IL1RAPL2: variants seen among roughly 807,000 people sequenced by gnomAD.
IL1RAPL2 encodes interleukin 1 receptor accessory protein like 2.
IL1RAPL2 carries 3 observed loss-of-function variants against 44.1 expected under a neutral mutation model. The observed-to-expected ratio is 0.07, with a 90% CI of 0.03 to 0.18. IL1RAPL2 has a LOEUF of 0.18. Among genes scored for constraint, IL1RAPL2 ranks in the 10% least tolerant of loss-of-function variants. The pLI is 1.00. For missense variants in IL1RAPL2, 391 were observed against 496.4 expected, an observed-to-expected ratio of 0.79 and a Z score of 2.02; for synonymous variants, 181 against 178.8, an observed-to-expected ratio of 1.01 and a Z score of -0.10.
chrX:105,248,034 C>A (rs1177621558), intron 4 of IL1RAPL2, among the ~76,000 whole-genome samples: 1 of 111,161 alleles, frequency 9.0e-6, no homozygotes. Flanking sequence ...AGGTCTAATT[C>A]ATTTTGCTGC....
intron 2 of IL1RAPL2, among the ~76,000 whole-genome samples, chrX:105,054,577 T>A (rs1354071340): frequency 8.9e-6 from 1 of 112,212 alleles, no homozygotes; most frequent in Non-Finnish European, 1.9e-5. Context: ...CATACCACCA[T>A]GTCCAGCTTA....
chrX:105,551,710 A>C (rs986972965), intron 6 of IL1RAPL2, among the ~76,000 whole-genome samples: 2 of 112,326 alleles, frequency 1.8e-5, no homozygotes, highest in South Asian at 7.3e-4. Flanking sequence ...TAAACATTAT[A>C]AGTTATCTTC....
chrX:105,430,590 A>G (rs2035840907), intron 5 of IL1RAPL2, among the ~76,000 whole-genome samples: 1 of 111,343 alleles, frequency 9.0e-6, no homozygotes, highest in Admixed American at 9.6e-5. Context: ...AAATTTGAGG[A>G]CTGTGACTAG....
intron 2 of IL1RAPL2, among the ~76,000 whole-genome samples, chrX:104,831,136 T>G (rs776561552): frequency 3.6e-5 from 4 of 111,931 alleles, no homozygotes; most frequent in African/African-American, 1.3e-4. Flanking sequence ...ACAATAACTA[T>G]GTTTCTTCTT....
At chrX:104,672,091 A>T (rs1295735951) in intron 2 of IL1RAPL2, among the ~76,000 whole-genome samples, 1 of 110,921 alleles carries the variant, frequency 9.0e-6, no homozygotes, top group Non-Finnish European at 1.9e-5. Context: ...GGGCAGGCCA[A>T]TTGCTTTCTT....
intron 2 of IL1RAPL2, among the ~76,000 whole-genome samples, chrX:104,982,853 A>G (rs756132925): frequency 5.4e-5 from 6 of 111,285 alleles, no homozygotes; most frequent in African/African-American, 9.8e-5. Context: ...TAGCAATTCC[A>G]CTGAAATTGT....
chrX:105,292,379 A>G (rs1603050337), intron 5 of IL1RAPL2, among the ~76,000 whole-genome samples: 1 of 112,473 alleles, frequency 8.9e-6, no homozygotes, highest in East Asian at 2.8e-4. Context: ...AATCCTTAAG[A>G]AACTGCCACT....
chrX:104,912,364 A>G (rs1054932687), intron 2 of IL1RAPL2, among the ~76,000 whole-genome samples: 1 of 110,615 alleles, frequency 9.0e-6, no homozygotes, highest in Non-Finnish European at 1.9e-5. Context: ...CCTGAGTTAC[A>G]GTATGGTGCC....
At chrX:104,892,870 C>T (rs999116312) in intron 2 of IL1RAPL2, among the ~76,000 whole-genome samples, 3 of 111,631 alleles carry the variant, frequency 2.7e-5, no homozygotes, top group Non-Finnish European at 3.8e-5. Context: ...CTCTAGTTCT[C>T]TTAATTGTGA....
At chrX:105,099,916 G>A in intron 2 of IL1RAPL2, among the ~76,000 whole-genome samples, 1 of 110,128 alleles carries the variant, frequency 9.1e-6, no homozygotes, top group Non-Finnish European at 1.9e-5. Context: ...TCAACCTGAG[G>A]TTTGGAGGAG....
chrX:104,835,434 C>T (rs757239523), intron 2 of IL1RAPL2, among the ~76,000 whole-genome samples: 3 of 111,471 alleles, frequency 2.7e-5, no homozygotes, highest in Admixed American at 9.5e-5. Flanking sequence ...AACTTGGCTC[C>T]GCCCTATGTG....
At chrX:105,025,856 G>A (rs774863180) in intron 2 of IL1RAPL2, among the ~76,000 whole-genome samples, 1 of 111,161 alleles carries the variant, frequency 9.0e-6, no homozygotes, top group Admixed American at 9.6e-5. Flanking sequence ...CAGTCCAGGT[G>A]GGAAGAATAA....
intron 2 of IL1RAPL2, among the ~76,000 whole-genome samples, chrX:104,990,664 C>T (rs150634119): frequency 9.0e-6 from 1 of 111,443 alleles, no homozygotes; most frequent in Non-Finnish European, 1.9e-5. Context: ...AGCACTAAAA[C>T]ATCAATGGCC....
At chrX:104,834,356 C>A (rs751684140) in intron 2 of IL1RAPL2, among the ~76,000 whole-genome samples, 11 of 111,698 alleles carry the variant, frequency 9.8e-5, no homozygotes, top group African/African-American at 3.2e-4. Flanking sequence ...ACGCCGCACC[C>A]TTTCTGGTCA....
chrX:104,574,645 T>C (rs1322570453), intron 1 of IL1RAPL2, among the ~76,000 whole-genome samples: 1 of 112,282 alleles, frequency 8.9e-6, no homozygotes, highest in Non-Finnish European at 1.9e-5. Flanking sequence ...TTGAAAACAA[T>C]ATAAGTGGCT....
chrX:105,706,013 A>C (rs2038163056), intron 6 of IL1RAPL2, among the ~76,000 whole-genome samples: 1 of 111,499 alleles, frequency 9.0e-6, no homozygotes, highest in Non-Finnish European at 1.9e-5. Context: ...TAGTATTTTC[A>C]TATTAAAAAA....
chrX:105,320,349 G>C (rs1171413992), intron 5 of IL1RAPL2, among the ~76,000 whole-genome samples: 1 of 111,760 alleles, frequency 8.9e-6, no homozygotes, highest in Non-Finnish European at 1.9e-5. Context: ...TCAGAGGGAG[G>C]ATTGTAGTTA....
At chrX:104,648,084 T>G (rs1930081573) in intron 1 of IL1RAPL2, 3 of 450,931 alleles carry the variant, frequency 6.7e-6, no homozygotes, top group Non-Finnish European at 1.2e-5. Flanking sequence ...AACCTCTTCC[T>G]ACAGATTTCC....
chrX:105,167,956 A>G (rs1008614526), intron 2 of IL1RAPL2, among the ~76,000 whole-genome samples: 2 of 111,661 alleles, frequency 1.8e-5, no homozygotes, highest in African/African-American at 6.5e-5. Flanking sequence ...CAGAGAGGTT[A>G]TCTTAATTGT....
Sources: gnomAD v4.1 joint callset for allele counts (sites outside exome capture counted in the v4.1 genomes callset) on GRCh38, gnomAD v4.1.1 for gene constraint, MANE v1.5 for transcripts, NCBI Gene and HGNC (gene_info 2026-07-23, HGNC 2026-07-21) for gene names.